The following ZCCHC14 variants were observed in gnomAD, a reference collection of about 807,000 sequenced individuals.
ZCCHC14 encodes zinc finger CCHC domain-containing protein 14.
A neutral mutation model predicts 85.0 loss-of-function variants in ZCCHC14; 16 were observed. The observed-to-expected ratio is 0.19, with a 90% CI of 0.13 to 0.29. The LOEUF (loss-of-function observed/expected upper bound fraction) is 0.29. ZCCHC14 is among the 10% of genes least tolerant of loss of function. The pLI is 1.00. For synonymous variants in ZCCHC14, 775 were observed against 630.7 expected (o/e 1.23, Z -3.43); for missense variants, 1,303 against 1,443.5 (o/e 0.90, Z 1.58).
At chr16:87,430,058 T>C (rs563025864) in intron 3 of ZCCHC14, among the ~76,000 whole-genome samples, 2 of 152,362 alleles carry the variant, frequency 1.3e-5, no homozygotes, top group East Asian at 3.9e-4. Flanking sequence ...AAGTTTCAAA[T>C]CTTAATATAT....
intron 1 of ZCCHC14, among the ~76,000 whole-genome samples, chr16:87,469,568 G>A (rs1911686835): frequency 6.6e-6 from 1 of 152,234 alleles, no homozygotes; most frequent in Admixed American, 6.5e-5. Flanking sequence ...ACCTACCTAA[G>A]GCTTTTGTGA....
chr16:87,475,868 G>A (rs1405968446), intron 1 of ZCCHC14, among the ~76,000 whole-genome samples: 1 of 151,798 alleles, frequency 6.6e-6, no homozygotes, highest in Non-Finnish European at 1.5e-5. Context: ...TCCCACAGCT[G>A]GCAGAAGGCA....
rs1036507456 is a variant in ZCCHC14, at chr16:87,409,425, G to A, written c.*855C>T. 6.6e-6 allele frequency: 1 copy of A among 152,252 alleles called. No homozygotes were observed. Among genetic ancestry groups the A allele is most frequent in the Non-Finnish European group, 1.5e-5 (1 of 68,046 alleles). 9.4% of individuals were successfully genotyped at this position (152,252 alleles called of 1,614,324 possible). On this transcript the variant is annotated 3_prime_UTR_variant, in exon 13 of 13. Coordinates refer to ENST00000671377, the MANE Select transcript of ZCCHC14 (RefSeq NM_015144.3). ...GTCCCCCCTCGAGAGGTCATTTGTA[G>A]TGGAAGATAGGGCTCAAAGCCACTG...
At chr16:87,430,670 C>T (rs980390153) in intron 3 of ZCCHC14, among the ~76,000 whole-genome samples, 7 of 151,948 alleles carry the variant, frequency 4.6e-5, no homozygotes, top group Non-Finnish European at 7.4e-5. Flanking sequence ...TACGGGTGCC[C>T]GCCACCGCGC....
intron 5 of ZCCHC14, 42 bp from the exon 6 acceptor site, chr16:87,419,919 T>C (rs1343864416): frequency 1.3e-6 from 2 of 1,525,780 alleles, no homozygotes; most frequent in East Asian, 4.6e-5. Flanking sequence ...TAAAATGGCA[T>C]TCCTGCTGAC....
intron 1 of ZCCHC14, among the ~76,000 whole-genome samples, chr16:87,486,759 CAA>C (rs1912530283): frequency 6.6e-6 from 1 of 152,180 alleles, no homozygotes; most frequent in South Asian, 2.1e-4. Flanking sequence ...GCAATGTATA[CAA>C]AGACAGCCAG....
At chr16:87,425,288 T>C (rs1393148024) in intron 3 of ZCCHC14, among the ~76,000 whole-genome samples, 1 of 151,944 alleles carries the variant, frequency 6.6e-6, no homozygotes, top group Non-Finnish European at 1.5e-5. Context: ...AAAATGAAAA[T>C]GCTTGAGGCC....
At chr16:87,451,551 G>A (rs1003201968) in intron 2 of ZCCHC14, among the ~76,000 whole-genome samples, 4 of 152,182 alleles carry the variant, frequency 2.6e-5, no homozygotes, top group Non-Finnish European at 5.9e-5. Flanking sequence ...GGGGCCTTAG[G>A]AAAGTCACTT....
At chr16:87,411,362 C>T in intron 12 of ZCCHC14, 154 bp downstream of exon 12, 1 of 1,506,852 alleles carries the variant, frequency 6.6e-7, no homozygotes, top group Non-Finnish European at 8.8e-7. Context: ...CTGGGGACCT[C>T]ACGGCCTATC....
chr16:87,413,257 G>A (rs985065117), intron 10 of ZCCHC14, 62 bp from the exon 11 acceptor site: 53 of 1,458,132 alleles, frequency 3.6e-5, no homozygotes, highest in East Asian at 1.2e-4. Flanking sequence ...AGCCCGCCCC[G>A]TGCCCCTGCA....
intron 2 of ZCCHC14, 102 bp from the exon 3 acceptor site, chr16:87,433,303 G>T: frequency 9.2e-7 from 1 of 1,090,680 alleles, no homozygotes; most frequent in Non-Finnish European, 1.3e-6. Context: ...CAGGTTCTCA[G>T]CACCCAAGGC....
In ZCCHC14 at chr16:87,491,101, C is replaced by G. The variant is rs531645284; in HGVS notation, c.570+568G>C. Among the ~76,000 whole-genome samples the G allele has an allele frequency of 2.6e-5, 4 of 152,360 alleles. No individual in the cohort carries two copies. Among genetic ancestry groups the G allele is most frequent in the Middle Eastern group, 6.8e-3 (2 of 294 alleles). ...CGCCGCAATGTGTGTTATCTGTCAC[C>G]CAAGGGCCCCATTAAGGGGACAAAG... On this transcript the variant is annotated intron_variant, in intron 1 of 12. Transcript: ENST00000671377. The surrounding 1 kb of genome is among the most constrained non-coding windows in gnomAD (Gnocchi z 5.9).
chr16:87,427,601 G>A (rs962516665), intron 3 of ZCCHC14, among the ~76,000 whole-genome samples: 1 of 152,064 alleles, frequency 6.6e-6, no homozygotes, highest in African/African-American at 2.4e-5. Context: ...GACTTTAAAG[G>A]ATGGTTTAAT....
At chr16:87,424,604 A>C (rs1019827915) in intron 3 of ZCCHC14, among the ~76,000 whole-genome samples, 8 of 152,162 alleles carry the variant, frequency 5.3e-5, no homozygotes, top group African/African-American at 1.9e-4. Context: ...CCAGGGGGGA[A>C]GGGGCGGTGT....
intron 1 of ZCCHC14, chr16:87,471,108 A>T (rs1459306130): frequency 6.6e-6 from 1 of 152,234 alleles, no homozygotes; most frequent in East Asian, 1.9e-4. Context: ...CCCCACAAAC[A>T]AAATACAGTA....
chr16:87,477,006 TC>T (rs1241418023), intron 1 of ZCCHC14, among the ~76,000 whole-genome samples: 1 of 150,446 alleles, frequency 6.6e-6, no homozygotes, highest in East Asian at 2.0e-4. Flanking sequence ...GTGCCTGTAA[TC>T]CCAGCTACTC....
intron 1 of ZCCHC14, among the ~76,000 whole-genome samples, chr16:87,461,722 G>A (rs1056607343): frequency 1.3e-5 from 2 of 152,190 alleles, no homozygotes; most frequent in Non-Finnish European, 2.9e-5. Context: ...GGGAGGAAAG[G>A]GTGGAGACTG....
At chr16:87,464,903 A>C (rs1224326704) in intron 1 of ZCCHC14, among the ~76,000 whole-genome samples, 1 of 152,178 alleles carries the variant, frequency 6.6e-6, no homozygotes, top group African/African-American at 2.4e-5. Flanking sequence ...CCTGATGTGC[A>C]CGAGAGGGAA....
chr16:87,417,508 C>T lies in ZCCHC14; in HGVS notation c.1335G>A (p.Leu445=). 1.2e-6 allele frequency: 2 copies of T among 1,614,242 alleles called. No individual in the cohort carries two copies. The highest frequency in any genetic ancestry group is 1.7e-6 in the Non-Finnish European group (2 of 1,180,038). ...QNGILDWLRK[L]RLHKYYPVFK... ...AGACGGGGTAATACTTGTGCAAACGCAGTTTCCTAAGCCAGTCTAGAATCC... is the reference window on the plus strand; with the variant it reads ...AGACGGGGTAATACTTGTGCAAACGTAGTTTCCTAAGCCAGTCTAGAATCC... Residue 445 remains leucine, a synonymous_variant, in exon 8 of 13, where the codon CTG becomes CTA. Coordinates refer to ENST00000671377, the MANE Select transcript of ZCCHC14 (RefSeq NM_015144.3).
Sources: gnomAD v4.1 joint callset for allele counts (sites outside exome capture counted in the v4.1 genomes callset) on GRCh38, gnomAD v4.1.1 for gene constraint, Gnocchi (gnomAD v3.1) non-coding constraint, MANE v1.5 for transcripts, NCBI Gene and HGNC (gene_info 2026-07-23, HGNC 2026-07-21) for gene names.